Variants in PRIM2 observed in about 807,000 individuals in gnomAD.
PRIM2 encodes the protein DNA primase large subunit.
A neutral mutation model predicts 67.3 loss-of-function variants in PRIM2; 39 were observed. That is an observed-to-expected ratio of 0.58 (90% CI 0.45 to 0.76). PRIM2 has a LOEUF of 0.76. Among genes scored for constraint, PRIM2 ranks in the 30% least tolerant of loss-of-function variants. PRIM2 has a pLI of 0.00. For synonymous variants in PRIM2, 143 were observed against 198.7 expected (o/e 0.72, Z 2.36); for missense variants, 398 against 598.7 (o/e 0.66, Z 3.50).
chr6:57,366,221 A>G (rs902345133), intron 5 of PRIM2, among the ~76,000 whole-genome samples: 2 of 152,182 alleles, frequency 1.3e-5, no homozygotes, highest in Admixed American at 6.5e-5. Flanking sequence ...ATAGAAAGAC[A>G]TTTCAGATGT....
chr6:57,378,517 T>A (rs575352900), intron 5 of PRIM2, among the ~76,000 whole-genome samples: 1 of 152,358 alleles, frequency 6.6e-6, no homozygotes, highest in Admixed American at 6.5e-5. Context: ...ATAGTTTTTT[T>A]CTATACCTTG....
chr6:57,541,973 G>GTTTT (rs1161553496), intron 10 of PRIM2, among the ~76,000 whole-genome samples: 2 of 114,736 alleles, frequency 1.7e-5, no homozygotes, highest in Admixed American at 9.3e-5. Flanking sequence ...TTGTGTTTTG[G>GTTTT]TTTTTTTTTT....
intron 4 of PRIM2, 62 bp downstream of exon 4, chr6:57,324,342 G>A: frequency 1.9e-6 from 2 of 1,064,528 alleles, no homozygotes; most frequent in Non-Finnish European, 2.8e-6. Context: ...ATTGGTGTGT[G>A]GTAAGTTGAT....
At chr6:57,610,066 G>A (rs1391143283) in intron 12 of PRIM2, among the ~76,000 whole-genome samples, 14 of 152,030 alleles carry the variant, frequency 9.2e-5, no homozygotes, top group Non-Finnish European at 1.8e-4. Flanking sequence ...ATAGGAAATC[G>A]ATGTTTTTTT....
rs562770668 is a variant in PRIM2, at chr6:57,342,364, T to C, written c.459+16319T>C. ...CTATTTTGCATCTCCCACTGCTGAGTTGATTGACTTAACCTTGGTCACATT... is the reference window on the plus strand; with the variant it reads ...CTATTTTGCATCTCCCACTGCTGAGCTGATTGACTTAACCTTGGTCACATT... On this transcript the variant is annotated intron_variant, in intron 5 of 13. Transcript: ENST00000615550. Among the ~76,000 whole-genome samples, 573 of 152,312 alleles carry C rather than the reference T, an allele frequency of 3.8e-3. 7 individuals are homozygous for C. The highest frequency in any genetic ancestry group is 0.013 in the African/African-American group (549 of 41,562).
In PRIM2 at chr6:57,330,319, A is replaced by G. The variant is rs1181271585; in HGVS notation, c.459+4274A>G. The stretch of plus-strand genomic sequence containing the variant: ...AAATCCAGGTGATTTTTGTATATTG[A>G]TCTTGTATCCTGCAACCTTGCTGAA... On this transcript the variant is annotated intron_variant, in intron 5 of 13. Coordinates refer to ENST00000615550, the MANE Select transcript of PRIM2 (RefSeq NM_000947.5). 4.1e-5 allele frequency among the ~76,000 whole-genome samples: 5 copies of G among 122,148 alleles called. No individual in the cohort carries two copies. In the South Asian group the frequency reaches 8.8e-4, roughly 22 times the overall value. The allele number at this position is 122,148 out of a possible 152,430, so 80.1% of individuals were successfully genotyped here.
intron 7 of PRIM2, chr6:57,497,612 T>C (rs1348025739): frequency 3.3e-5 from 5 of 152,226 alleles, no homozygotes; most frequent in African/African-American, 1.2e-4. Flanking sequence ...TTGGGCATGT[T>C]TAGAGCTCAA....
chr6:57,509,529 C>T (rs1774318769), intron 8 of PRIM2, among the ~76,000 whole-genome samples: 1 of 152,006 alleles, frequency 6.6e-6, no homozygotes, highest in African/African-American at 2.4e-5. Flanking sequence ...GGCTTAAGAC[C>T]CATCTCTGCC....
At chr6:57,275,102 A>G in the PRIM2 span, among the ~76,000 whole-genome samples, 2 of 152,048 alleles carry the variant, frequency 1.3e-5, no homozygotes, top group South Asian at 2.1e-4. Context: ...ATGTCTTTCA[A>G]TATCATCTCA....
intron 5 of PRIM2, among the ~76,000 whole-genome samples, chr6:57,360,755 T>G (rs530260430): frequency 6.6e-6 from 1 of 152,336 alleles, no homozygotes; most frequent in South Asian, 2.1e-4. Context: ...TCTTTTAAGT[T>G]TCCCAAGGCT....
rs1392974592 is a variant in PRIM2 at position 57,462,528 on chromosome 6, C to T, written c.694-44859C>T. Among the ~76,000 whole-genome samples the T allele has an allele frequency of 4.3e-3, 655 of 152,288 alleles. 5 individuals are homozygous for T. The highest frequency in any genetic ancestry group is 0.01 in the Middle Eastern group (3 of 294). On this transcript the variant is annotated intron_variant, in intron 7 of 13. Transcript: ENST00000615550. ...GAATCCTTTCATGTGTCTGGCCTAA[C>T]CATGATATTGGATTTGGTCAGGGGT...
intron 12 of PRIM2, among the ~76,000 whole-genome samples, chr6:57,610,069 GT>G (rs1776635717): frequency 6.6e-6 from 1 of 152,038 alleles, no homozygotes; most frequent in Non-Finnish European, 1.5e-5. Flanking sequence ...GGAAATCGAT[GT>G]TTTTTTAAAA....
At chr6:57,379,778 G>A in intron 5 of PRIM2, 123 bp from the exon 6 acceptor site, 1 of 781,482 alleles carries the variant, frequency 1.3e-6, no homozygotes, top group South Asian at 2.3e-5. Context: ...GAAATGATTT[G>A]AGATATCAAG....
chr6:57,527,661 A>G (rs2127466544), intron 8 of PRIM2, among the ~76,000 whole-genome samples: 1 of 152,294 alleles, frequency 6.6e-6, no homozygotes, highest in East Asian at 1.9e-4. Flanking sequence ...CCTGCAGAGC[A>G]TGGGATACAG....
upstream of PRIM2, among the ~76,000 whole-genome samples, chr6:57,310,946 C>T (rs1767370764): frequency 7.2e-6 from 1 of 138,884 alleles, no homozygotes; most frequent in Non-Finnish European, 1.5e-5. Context: ...GGGGAGGGGC[C>T]GGGCAGAGGC....
chr6:57,612,721 C>T (rs1336364699), intron 12 of PRIM2, among the ~76,000 whole-genome samples: 1 of 151,260 alleles, frequency 6.6e-6, no homozygotes, highest in African/African-American at 2.4e-5. Flanking sequence ...AAACTTAGTC[C>T]CTGAGTAAAA....
chr6:57,630,362 A>T (rs1777020725), intron 12 of PRIM2, among the ~76,000 whole-genome samples: 1 of 152,154 alleles, frequency 6.6e-6, no homozygotes, highest in Non-Finnish European at 1.5e-5. Flanking sequence ...GGTCAGGGGA[A>T]GATTGTAGTG....
chr6:57,309,448 T>C, the PRIM2 span, among the ~76,000 whole-genome samples: 5 of 152,060 alleles, frequency 3.3e-5, no homozygotes, highest in Non-Finnish European at 7.4e-5. Flanking sequence ...ATTTCATCCA[T>C]ATCCCTACAA....
intron 7 of PRIM2, among the ~76,000 whole-genome samples, chr6:57,478,205 T>C (rs1180849640): frequency 6.6e-6 from 1 of 152,224 alleles, no homozygotes; most frequent in East Asian, 1.9e-4. Context: ...AAAATTACTC[T>C]ATATTCCTTT....
Sources: allele counts gnomAD v4.1 joint callset (sites outside exome capture counted in the v4.1 genomes callset), GRCh38; gene constraint gnomAD v4.1.1; transcripts MANE v1.5; gene names NCBI Gene and HGNC (gene_info 2026-07-23, HGNC 2026-07-21).